Variants in ABCA13 observed in about 807,000 individuals in gnomAD.
ABCA13 encodes the protein ATP-binding cassette sub-family A member 13.
A neutral mutation model predicts 478.7 loss-of-function variants in ABCA13; 476 were observed. The observed-to-expected ratio is 0.99, with a 90% confidence interval of 0.92 to 1.07. ABCA13 has a LOEUF of 1.07. ABCA13 is among the 50% of genes least tolerant of loss of function. The probability of loss-of-function intolerance (pLI) is 0.00; values close to 1 mark genes in which losing one functional copy is unlikely to be tolerated. For synonymous variants in ABCA13, 2,252 were observed against 2,158.9 expected (o/e 1.04, Z -1.20); for missense variants, 6,060 against 5,910.6 (o/e 1.03, Z -0.83).
intron 41 of ABCA13, among the ~76,000 whole-genome samples, chr7:48,421,392 C>G (rs962454526): frequency 2.6e-5 from 4 of 152,326 alleles, no homozygotes; most frequent in African/African-American, 4.8e-5. Context: ...AAAGAACTCT[C>G]TCTTTACCCC....
chr7:48,314,300 C>T lies in ABCA13; in HGVS notation c.9750C>T (p.Cys3250=). Residue 3250 remains cysteine, a synonymous_variant, in exon 26 of 62, where the codon TGC becomes TGT. Coordinates refer to ENST00000435803, the MANE Select transcript of ABCA13 (RefSeq NM_152701.5). ...TCCAGTTTGTGATGAAGATGGTTTG[C>T]AAGGACCAAGCATCATTCCTTAGCG... ...GSFQFVMKMV[C]KDQASFLSDS... The T allele has an allele frequency of 6.2e-7, 1 of 1,613,712 alleles. No homozygotes were observed. Among genetic ancestry groups the T allele is most frequent in the Non-Finnish European group, 8.5e-7 (1 of 1,179,808 alleles).
rs59630845 is a variant in ABCA13, at chr7:48,438,884, G to GTTTTTTT, written c.12565+11022_12565+11028dup. 1.4e-3 allele frequency among the ~76,000 whole-genome samples: 201 copies of GTTTTTTT among 139,406 alleles called. 2 individuals carry two copies. The highest frequency in any genetic ancestry group is 1.9e-3 in the East Asian group (9 of 4,782). 91.5% of individuals were successfully genotyped at this position (139,406 alleles called of 152,430 possible). A position where few individuals can be genotyped will look rare whatever the true frequency, so the allele number is the denominator to read the frequency against. On this transcript the variant is annotated intron_variant, in intron 42 of 61. Coordinates refer to ENST00000435803, the MANE Select transcript of ABCA13 (RefSeq NM_152701.5). ...AACTGCAGAAGACAATTTTGCTAAG[G>GTTTTTTT]TTTTTTTTTTTTTTTAAAAAACTAA...
At position 48,580,244 on chromosome 7, in the gene ABCA13, C is replaced by G. The variant is rs1432233224; in HGVS notation, c.14375C>G (p.Ser4792Cys). 1 of 1,611,204 alleles carries G rather than the reference C, an allele frequency of 6.2e-7. No individual in the cohort carries two copies. Among genetic ancestry groups the G allele is most frequent in the East Asian group, 2.2e-5 (1 of 44,754 alleles). Residue 4792 changes from serine to cysteine, a missense_variant, in exon 56 of 62, where the codon TCT becomes TGT. Coordinates refer to ENST00000435803, the MANE Select transcript of ABCA13 (RefSeq NM_152701.5). ...TGCAGAGACGCCGTGGACCTGTCTT[C>G]TGCTGGCACGGCAGGCGTGCTCATT... Reference protein sequence around the residue: ...TPMGDAVDLSSAGTAGVLIGY... With the variant: ...TPMGDAVDLSCAGTAGVLIGY...
At chr7:48,562,143 T>C (rs1184523334) in intron 55 of ABCA13, among the ~76,000 whole-genome samples, 1 of 151,994 alleles carries the variant, frequency 6.6e-6, no homozygotes, top group Non-Finnish European at 1.5e-5. Context: ...TGCCTTTTTT[T>C]TCTTCATATA....
chr7:48,411,213 C>T (rs1011982981), intron 40 of ABCA13, among the ~76,000 whole-genome samples: 1 of 142,558 alleles, frequency 7.0e-6, no homozygotes, highest in Non-Finnish European at 1.5e-5. Flanking sequence ...TCTTTCTCCC[C>T]TTCCCTTCTC....
chr7:48,495,659 TAA>T (rs892866945), intron 48 of ABCA13, among the ~76,000 whole-genome samples: 1 of 152,176 alleles, frequency 6.6e-6, no homozygotes, highest in African/African-American at 2.4e-5. Flanking sequence ...AGGCGAGTAG[TAA>T]AGTCTCCAAA....
intron 48 of ABCA13, among the ~76,000 whole-genome samples, chr7:48,495,351 G>T (rs575351168): frequency 6.6e-6 from 1 of 152,192 alleles, no homozygotes; most frequent in South Asian, 2.1e-4. Context: ...AGATTTTCCT[G>T]TGGTCTTTCT....
At chr7:48,492,516 TG>T (rs1337855192) in intron 48 of ABCA13, among the ~76,000 whole-genome samples, 1 of 152,190 alleles carries the variant, frequency 6.6e-6, no homozygotes, top group African/African-American at 2.4e-5. Context: ...GTATTTTAAA[TG>T]TGTCTCCCAA....
chr7:48,251,921 T>C (rs111663054), intron 15 of ABCA13, among the ~76,000 whole-genome samples: 2,183 of 152,288 alleles, frequency 0.014, 21 homozygotes, highest in Middle Eastern at 0.054. Flanking sequence ...TTGTATGTTA[T>C]GAGTCATTTT....
intron 38 of ABCA13, 82 bp from the exon 39 acceptor site, chr7:48,403,601 T>A (rs532736252): frequency 7.3e-7 from 1 of 1,373,992 alleles, no homozygotes; most frequent in Non-Finnish European, 1.0e-6. Flanking sequence ...TCAGCCACTG[T>A]TAGTCATTAT....
intron 55 of ABCA13, among the ~76,000 whole-genome samples, chr7:48,555,809 C>G (rs1052472379): frequency 6.6e-6 from 1 of 151,108 alleles, no homozygotes; most frequent in African/African-American, 2.4e-5. Context: ...ATTTCACATT[C>G]ATTTATTTCT....
intron 53 of ABCA13, among the ~76,000 whole-genome samples, chr7:48,520,969 C>G (rs1482311783): frequency 6.6e-6 from 1 of 152,128 alleles, no homozygotes; most frequent in Non-Finnish European, 1.5e-5. Context: ...GTTGCTTATG[C>G]TGCTGTACTC....
chr7:48,631,002 G>A (rs1794118262), intron 59 of ABCA13, among the ~76,000 whole-genome samples: 4 of 151,054 alleles, frequency 2.6e-5, no homozygotes. Flanking sequence ...TTTTTAATGG[G>A]GTTATTTGTT....
intron 55 of ABCA13, among the ~76,000 whole-genome samples, chr7:48,529,092 G>A (rs1833058186): frequency 1.3e-5 from 2 of 152,124 alleles, no homozygotes; most frequent in Non-Finnish European, 1.5e-5. Flanking sequence ...GCCCCTTTCT[G>A]CACCTGTGTG....
intron 8 of ABCA13, among the ~76,000 whole-genome samples, chr7:48,237,616 C>G (rs1421916674): frequency 6.6e-6 from 1 of 152,208 alleles, no homozygotes; most frequent in Non-Finnish European, 1.5e-5. Flanking sequence ...CCTAGGCCCT[C>G]CCTGGGGTCT....
intron 5 of ABCA13, among the ~76,000 whole-genome samples, chr7:48,225,888 A>ATT (rs112378304): frequency 6.6e-6 from 1 of 151,468 alleles, no homozygotes; most frequent in African/African-American, 2.4e-5. Flanking sequence ...CTGGGGATAG[A>ATT]TTTTTTTTTC....
At chr7:48,482,269 C>T (rs1018011192) in intron 46 of ABCA13, among the ~76,000 whole-genome samples, 17 of 152,114 alleles carry the variant, frequency 1.1e-4, no homozygotes, top group African/African-American at 4.1e-4. Context: ...ATCTAACCCA[C>T]TTGAAATTGT....
intron 45 of ABCA13, among the ~76,000 whole-genome samples, chr7:48,479,702 T>A (rs1289697505): frequency 6.6e-6 from 1 of 152,236 alleles, no homozygotes; most frequent in African/African-American, 2.4e-5. Flanking sequence ...TGAGTTTGAC[T>A]TTTTTAGATT....
At chr7:48,549,503 A>G (rs1785121131) in intron 55 of ABCA13, among the ~76,000 whole-genome samples, 1 of 151,784 alleles carries the variant, frequency 6.6e-6, no homozygotes, top group South Asian at 2.1e-4. Flanking sequence ...CTTTGCTACC[A>G]TAAATAGTGT....
Sources: gnomAD v4.1 joint callset for allele counts (sites outside exome capture counted in the v4.1 genomes callset) on GRCh38, gnomAD v4.1.1 for gene constraint, MANE v1.5 for transcripts, NCBI Gene and HGNC (gene_info 2026-07-23, HGNC 2026-07-21) for gene names.